WSCD2: variants seen among roughly 807,000 people sequenced by gnomAD.
The protein encoded by WSCD2 is sialate:O-sulfotransferase 2.
In WSCD2, 28 loss-of-function variants were observed where a neutral mutation model predicts 55.7. The observed-to-expected ratio is 0.50, with a 90% CI of 0.37 to 0.69. WSCD2 has a LOEUF of 0.69. Among genes scored for constraint, WSCD2 ranks in the 30% least tolerant of loss-of-function variants. The pLI, the probability that WSCD2 is intolerant of heterozygous loss-of-function variation, is 0.00. For missense variants in WSCD2, 616 were observed against 762.1 expected (o/e 0.81, Z 2.26); for synonymous variants, 301 against 301.9 (o/e 1.00, Z 0.03).
At chr12:108,155,320 C>G (rs7316834) in intron 1 of WSCD2, among the ~76,000 whole-genome samples, 99,468 of 152,046 alleles carry the variant, frequency 0.65, 35,050 homozygotes, top group East Asian at 0.91. Context: ...ACCAGAATTA[C>G]TGTTCTTCCT....
Position 108,147,253 on chromosome 12 carries a change from G to A in WSCD2, c.-552+17327G>A, listed in dbSNP as rs1592884355. The stretch of plus-strand genomic sequence containing the variant: ...GCACTTTGCTTGAGGAAGCTTCCTG[G>A]AGGAGGTGGCATCTGACCTGAGCCA... On this transcript the variant is annotated intron_variant, in intron 1 of 8. Transcript: ENST00000547525. 2.6e-5 allele frequency among the ~76,000 whole-genome samples: 4 copies of A among 152,216 alleles called. No homozygotes were observed. The South Asian group carries it at 8.3e-4, about 32-fold the overall frequency.
chr12:108,230,418 G>A (rs1888621884), intron 6 of WSCD2, among the ~76,000 whole-genome samples: 1 of 152,150 alleles, frequency 6.6e-6, no homozygotes, highest in African/African-American at 2.4e-5. Flanking sequence ...TCGATTCTGT[G>A]GGCAATTCCG....
At chr12:108,145,853 G>GA (rs910673010) in intron 1 of WSCD2, among the ~76,000 whole-genome samples, 2 of 152,144 alleles carry the variant, frequency 1.3e-5, no homozygotes, top group Non-Finnish European at 2.9e-5. Flanking sequence ...AATGGTGAGT[G>GA]AAAAAACCAG....
rs764001554 is a variant in WSCD2, at chr12:108,196,051, C to A, written c.219C>A (p.Gly73=). ...CCTTCTTGGGTGACATGCATCTGGGCAGAGGTTTCCGGGACACAGGTGAAG... is the reference window on the plus strand; with the variant it reads ...CCTTCTTGGGTGACATGCATCTGGGAAGAGGTTTCCGGGACACAGGTGAAG... ...ELSFLGDMHL[G]RGFRDTGEAS... Residue 73 remains glycine, a synonymous_variant, in exon 2 of 9, where the codon GGC becomes GGA. Transcript: ENST00000547525. 1 of 1,614,178 alleles carries A rather than the reference C, an allele frequency of 6.2e-7. No individual in the cohort carries two copies. Among genetic ancestry groups the A allele is most frequent in the Non-Finnish European group, 8.5e-7 (1 of 1,180,026 alleles).
intron 1 of WSCD2, among the ~76,000 whole-genome samples, chr12:108,158,983 T>G (rs1344103799): frequency 6.6e-6 from 1 of 152,194 alleles, no homozygotes. Context: ...TGTAACATCT[T>G]GCACACTACA....
At position 108,196,094 on chromosome 12, in the gene WSCD2, A is replaced by G. The variant is rs1883884487; in HGVS notation, c.262A>G (p.Arg88Gly). The part of the protein sequence containing the change: ...DTGEASSIAR[R>G]YGPWFKGKDG... ...AGGTGAAGCCTCAAGCATTGCTCGC[A>G]GGTACGGACCCTGGTTCAAGGGCAA... The change falls in exon 2 of 9, where the codon AGG becomes GGG. Residue 88 changes from arginine (R) to glycine (G), a missense_variant. By Grantham distance (125) the Arg-to-Gly change is moderately radical (BLOSUM62 -2). Around this residue, in one of 3 missense-constraint regions of WSCD2, gnomAD observed 374 missense variants for 467.4 expected, o/e 0.80. Transcript: ENST00000547525. The G allele has an allele frequency of 1.9e-6, 3 of 1,614,126 alleles. No homozygotes were observed. Among genetic ancestry groups the G allele is most frequent in the Non-Finnish European group, 2.5e-6 (3 of 1,180,028 alleles).
At chr12:108,237,505 C>T (rs9805117) in intron 7 of WSCD2, among the ~76,000 whole-genome samples, 4,678 of 152,272 alleles carry the variant, frequency 0.031, 240 homozygotes, top group African/African-American at 0.1. Flanking sequence ...TGGTGGAGTC[C>T]GGCAATTCCG....
At chr12:108,212,040 G>T (rs913889097) in intron 4 of WSCD2, among the ~76,000 whole-genome samples, 1 of 152,024 alleles carries the variant, frequency 6.6e-6, no homozygotes. Context: ...TTGCAAACTG[G>T]CTGGTTTTTC....
At chr12:108,166,267 T>C (rs182404235) in intron 1 of WSCD2, among the ~76,000 whole-genome samples, 34 of 152,330 alleles carry the variant, frequency 2.2e-4, no homozygotes, top group African/African-American at 7.2e-4. Flanking sequence ...CAGAGGCCTG[T>C]GAGTGTGAAT....
At chr12:108,196,593 T>C (rs1883958322) in intron 2 of WSCD2, among the ~76,000 whole-genome samples, 1 of 152,236 alleles carries the variant, frequency 6.6e-6, no homozygotes, top group Non-Finnish European at 1.5e-5. Flanking sequence ...ACTTTACATA[T>C]ATAGAAACAT....
chr12:108,247,963 G>T, intron 8 of WSCD2, 28 bp from the exon 9 acceptor site: 2 of 1,598,064 alleles, frequency 1.3e-6, no homozygotes, highest in South Asian at 2.3e-5. Context: ...TCCTCCCTCT[G>T]ACTGTGTCCT....
At chr12:108,141,193 T>C (rs1876763009) in intron 1 of WSCD2, among the ~76,000 whole-genome samples, 1 of 152,220 alleles carries the variant, frequency 6.6e-6, no homozygotes, top group African/African-American at 2.4e-5. Context: ...AGCTGAGACT[T>C]ACAGGCAAGT....
intron 1 of WSCD2, among the ~76,000 whole-genome samples, chr12:108,188,760 C>T (rs1882818574): frequency 6.6e-6 from 1 of 152,102 alleles, no homozygotes; most frequent in African/African-American, 2.4e-5. Flanking sequence ...TTCATCAAGG[C>T]TTGGATTCAA....
chr12:108,161,716 G>A (rs999065740), intron 1 of WSCD2, among the ~76,000 whole-genome samples: 3 of 152,178 alleles, frequency 2.0e-5, no homozygotes, highest in African/African-American at 7.2e-5. Flanking sequence ...CAAAGCGAGT[G>A]CTCACTGCAT....
intron 8 of WSCD2, among the ~76,000 whole-genome samples, chr12:108,241,480 C>G (rs910520748): frequency 4.6e-5 from 7 of 152,144 alleles, no homozygotes; most frequent in Non-Finnish European, 8.8e-5. Flanking sequence ...TCTTAAATCC[C>G]CACCATAATC....
Position 108,213,597 on chromosome 12 carries a change from A to C in WSCD2, c.682+3292A>C, listed in dbSNP as rs117423567. Among the ~76,000 whole-genome samples the C allele has an allele frequency of 9.4e-4, 143 of 152,306 alleles. 4 individuals are homozygous for C. The East Asian group carries it at 0.025, about 27-fold the overall frequency. On this transcript the variant is annotated intron_variant, in intron 4 of 8. Coordinates refer to ENST00000547525, the MANE Select transcript of WSCD2 (RefSeq NM_014653.4). ...GAGGGGACATTTGACAAGAGCCTTGAAAGGTTGTTGCCTGGCAGAGAAGAG... is the reference window on the plus strand; with the variant it reads ...GAGGGGACATTTGACAAGAGCCTTGCAAGGTTGTTGCCTGGCAGAGAAGAG...
chr12:108,170,655 T>C (rs1880143497), intron 1 of WSCD2, among the ~76,000 whole-genome samples: 2 of 152,166 alleles, frequency 1.3e-5, no homozygotes, highest in African/African-American at 4.8e-5. Flanking sequence ...GAAATAAAAA[T>C]AGCAGTTCTG....
At chr12:108,226,124 AC>A (rs1888058451) in intron 5 of WSCD2, among the ~76,000 whole-genome samples, 1 of 152,082 alleles carries the variant, frequency 6.6e-6, no homozygotes, top group South Asian at 2.1e-4. Flanking sequence ...TCTGAGTCAC[AC>A]AGATCCACTG....
intron 1 of WSCD2, among the ~76,000 whole-genome samples, chr12:108,173,074 C>A (rs115085566): frequency 1.3e-5 from 2 of 152,072 alleles, no homozygotes; most frequent in Admixed American, 6.6e-5. Context: ...GATCTGCTGG[C>A]GCCTTGATCT....
Sources: allele counts gnomAD v4.1 joint callset (sites outside exome capture counted in the v4.1 genomes callset), GRCh38; gene constraint gnomAD v4.1.1; regional missense constraint gnomAD v4.1.1; transcripts MANE v1.5; gene names NCBI Gene and HGNC (gene_info 2026-07-23, HGNC 2026-07-21).